SLC8A3: variants seen among roughly 807,000 people sequenced by gnomAD.
SLC8A3 encodes the protein solute carrier family 8 member A3.
Under a neutral mutation model 65.4 loss-of-function variants are expected in SLC8A3, and 37 were observed. The observed-to-expected ratio is 0.57, with a 90% CI of 0.44 to 0.74. SLC8A3 has a LOEUF of 0.74. Ranked by LOEUF, SLC8A3 falls within the 30% of genes least tolerant of loss-of-function variation. The pLI, the probability that SLC8A3 is intolerant of heterozygous loss-of-function variation, is 0.00. For missense variants in SLC8A3, 1,112 were observed against 1,172.1 expected (o/e 0.95, Z 0.75); for synonymous variants, 461 against 444.5 (o/e 1.04, Z -0.47).
chr14:70,170,530 T>G (rs1279489695), intron 1 of SLC8A3, among the ~76,000 whole-genome samples: 2 of 152,244 alleles, frequency 1.3e-5, no homozygotes, highest in African/African-American at 4.8e-5. Flanking sequence ...GTTTTTGGAA[T>G]GAATAAATGT....
intron 1 of SLC8A3, among the ~76,000 whole-genome samples, chr14:70,168,847 G>C (rs568040976): frequency 6.6e-6 from 1 of 152,254 alleles, no homozygotes; most frequent in East Asian, 1.9e-4. Flanking sequence ...TACTGTTTCT[G>C]GGGTGTTCGG....
At chr14:70,080,180 G>A (rs928612363) in intron 2 of SLC8A3, 18 of 985,130 alleles carry the variant, frequency 1.8e-5, no homozygotes, top group Non-Finnish European at 1.9e-5. Context: ...CTAGGTTTTC[G>A]GCTCCATGCT....
At position 70,166,744 on chromosome 14, in the gene SLC8A3, C is replaced by T. The variant is rs770583250; in HGVS notation, c.1679G>A (p.Gly560Asp). ...VKVLRTSGARGTVIVPFRTVE... is the reference protein window; with the variant it reads ...VKVLRTSGARDTVIVPFRTVE... ...TGTCCTAAAGGGGACGATGACTGTA[C>T]CCCGGGCACCTGATGTCCGCAGAAC... Residue 560 changes from glycine (G) to aspartate (D), a missense_variant, in exon 2 of 7, where the codon GGT becomes GAT. Physicochemically the swap from Gly to Asp is moderately conservative, Grantham distance 94. Transcript: ENST00000356921. 1.7e-5 allele frequency: 27 copies of T among 1,613,836 alleles called. No individual in the cohort carries two copies. Among genetic ancestry groups the T allele is most frequent in the South Asian group, 1.1e-4 (10 of 91,082 alleles).
intron 2 of SLC8A3, among the ~76,000 whole-genome samples, chr14:70,124,711 A>G (rs1894325286): frequency 1.3e-5 from 2 of 152,262 alleles, no homozygotes; most frequent in Non-Finnish European, 2.9e-5. Context: ...TGCTCTGTTC[A>G]GTCATTCAAC....
chr14:70,083,584 C>T (rs8015112), intron 2 of SLC8A3, among the ~76,000 whole-genome samples: 15,195 of 152,252 alleles, frequency 0.1, 1,254 homozygotes, highest in East Asian at 0.41. Context: ...AACTTCTAAT[C>T]CCTGAAGGGT....
chr14:70,122,424 G>A (rs1226696424), intron 2 of SLC8A3, among the ~76,000 whole-genome samples: 2 of 152,100 alleles, frequency 1.3e-5, no homozygotes, highest in Non-Finnish European at 2.9e-5. Flanking sequence ...GGACAATGGG[G>A]AGGGCTCTGA....
intron 2 of SLC8A3, among the ~76,000 whole-genome samples, chr14:70,072,600 TCC>T (rs1890109957): frequency 7.1e-5 from 1 of 14,038 alleles, no homozygotes; most frequent in Non-Finnish European, 1.7e-4. Flanking sequence ...TATCCGTCCA[TCC>T]ATCCATCCAT....
intron 2 of SLC8A3, among the ~76,000 whole-genome samples, chr14:70,066,895 C>T (rs1479626663): frequency 6.6e-6 from 1 of 152,184 alleles, no homozygotes; most frequent in Non-Finnish European, 1.5e-5. Context: ...AGAGATTTTC[C>T]TGTTCCTGCC....
intron 2 of SLC8A3, among the ~76,000 whole-genome samples, chr14:70,080,483 G>T (rs1355538477): frequency 6.6e-6 from 1 of 152,146 alleles, no homozygotes; most frequent in East Asian, 1.9e-4. Flanking sequence ...GTTGAAAACT[G>T]CTCGCTACAC....
intron 2 of SLC8A3, among the ~76,000 whole-genome samples, chr14:70,155,067 G>A (rs1369851992): frequency 6.6e-6 from 1 of 151,758 alleles, no homozygotes; most frequent in Non-Finnish European, 1.5e-5. Context: ...CTACAGGTGT[G>A]CGCCACCATG....
chr14:70,074,899 G>C (rs924252258), intron 2 of SLC8A3, among the ~76,000 whole-genome samples: 1 of 152,146 alleles, frequency 6.6e-6, no homozygotes. Flanking sequence ...CTAGGGAGGC[G>C]ACTCTAGTGG....
intron 2 of SLC8A3, among the ~76,000 whole-genome samples, chr14:70,157,090 T>C (rs920043701): frequency 2.6e-5 from 4 of 152,172 alleles, no homozygotes; most frequent in East Asian, 3.9e-4. Context: ...GCAGAGTCTA[T>C]AGTGAGCTTG....
At chr14:70,058,401 T>C (rs1888400810) in intron 3 of SLC8A3, among the ~76,000 whole-genome samples, 1 of 152,166 alleles carries the variant, frequency 6.6e-6, no homozygotes, top group Admixed American at 6.5e-5. Context: ...AACTGGAAAT[T>C]AACCGCCTAG....
At chr14:70,158,951 A>C (rs1896729673) in intron 2 of SLC8A3, among the ~76,000 whole-genome samples, 1 of 152,182 alleles carries the variant, frequency 6.6e-6, no homozygotes, top group Non-Finnish European at 1.5e-5. Context: ...TTCTTGCAAA[A>C]TGCTTCTAGA....
chr14:70,138,884 G>A (rs536397327), intron 2 of SLC8A3, among the ~76,000 whole-genome samples: 1 of 152,338 alleles, frequency 6.6e-6, no homozygotes, highest in South Asian at 2.1e-4. Context: ...TAAGCAAAGA[G>A]GAAAATAATA....
chr14:70,143,680 G>C (rs1895718101), intron 2 of SLC8A3, among the ~76,000 whole-genome samples: 1 of 152,148 alleles, frequency 6.6e-6, no homozygotes, highest in Non-Finnish European at 1.5e-5. Context: ...CCACAGGAAA[G>C]AACTCATCCC....
chr14:70,082,062 G>T (rs934007516), intron 2 of SLC8A3, among the ~76,000 whole-genome samples: 28 of 152,188 alleles, frequency 1.8e-4, no homozygotes, highest in African/African-American at 5.8e-4. Flanking sequence ...TTTCTATTTT[G>T]CCCATGAGGA....
intron 2 of SLC8A3, among the ~76,000 whole-genome samples, chr14:70,068,409 C>T (rs1889678553): frequency 1.3e-5 from 2 of 152,170 alleles, no homozygotes; most frequent in African/African-American, 4.8e-5. Flanking sequence ...GACAGGGTCT[C>T]ACTCTGTCAC....
chr14:70,044,662 A>G lies in SLC8A3; in HGVS notation c.*1285T>C, dbSNP rs1201029778. 6.6e-6 allele frequency: 1 copy of G among 152,144 alleles called. No homozygotes were observed. The highest frequency in any genetic ancestry group is 2.4e-5 in the African/African-American group (1 of 41,432). The allele number at this position is 152,144 out of a possible 1,614,324, so 9.4% of individuals were successfully genotyped here. ...TCATGAAGTTTAAGAACAAGCAGGA[A>G]CATGGGAGAAATGAGGAATTCCAGT... On this transcript the variant is annotated 3_prime_UTR_variant, in exon 7 of 7. Coordinates refer to ENST00000356921, the MANE Select transcript of SLC8A3 (RefSeq NM_182932.3).
Sources: gnomAD v4.1 joint callset for allele counts (sites outside exome capture counted in the v4.1 genomes callset) on GRCh38, gnomAD v4.1.1 for gene constraint, MANE v1.5 for transcripts, NCBI Gene and HGNC (gene_info 2026-07-23, HGNC 2026-07-21) for gene names.